Variants in QTMAN observed in about 807,000 individuals in gnomAD.
QTMAN encodes tRNA-queuosine alpha-mannosyltransferase.
the QTMAN span, among the ~76,000 whole-genome samples, chr2:144,102,352 C>G: frequency 6.6e-6 from 1 of 152,148 alleles, no homozygotes; most frequent in Non-Finnish European, 1.5e-5. Context: ...TAAATAGATA[C>G]AGTGTATATG....
At chr2:143,965,335 G>C in the QTMAN span, among the ~76,000 whole-genome samples, 1 of 152,170 alleles carries the variant, frequency 6.6e-6, no homozygotes, top group Non-Finnish European at 1.5e-5. Flanking sequence ...AAGTCCATGA[G>C]TCCTATAATA....
the QTMAN span, among the ~76,000 whole-genome samples, chr2:144,087,325 C>T: frequency 6.6e-6 from 1 of 152,060 alleles, no homozygotes; most frequent in Non-Finnish European, 1.5e-5. Context: ...TAAAAACATT[C>T]CCACAAATAA....
the QTMAN span, among the ~76,000 whole-genome samples, chr2:144,184,820 ATACC>A: frequency 6.6e-6 from 1 of 152,282 alleles, no homozygotes; most frequent in African/African-American, 2.4e-5. Context: ...ATAACTCCAT[ATACC>A]TATATAGTTA....
the QTMAN span, among the ~76,000 whole-genome samples, chr2:143,973,681 C>CGTTT: frequency 2.0e-5 from 3 of 151,320 alleles, no homozygotes; most frequent in Admixed American, 1.3e-4. Context: ...CCCAGCTACA[C>CGTTT]GGGAGGCTGA....
At chr2:144,153,311 T>C in the QTMAN span, among the ~76,000 whole-genome samples, 6 of 152,284 alleles carry the variant, frequency 3.9e-5, no homozygotes, top group Admixed American at 2.6e-4. Context: ...AAGATGGTTG[T>C]AAAGTGAGAA....
At chr2:144,013,972 G>C in the QTMAN span, among the ~76,000 whole-genome samples, 1 of 152,034 alleles carries the variant, frequency 6.6e-6, no homozygotes, top group South Asian at 2.1e-4. Context: ...TAAAAATTTT[G>C]ATATGGCATT....
chr2:144,178,186 G>C, the QTMAN span: 257 of 152,226 alleles, frequency 1.7e-3, 4 homozygotes, highest in African/African-American at 5.9e-3. Context: ...AGAAGCCTAG[G>C]GTTCAAGTTT....
chr2:144,182,115 A>G, the QTMAN span, among the ~76,000 whole-genome samples: 1 of 152,164 alleles, frequency 6.6e-6, no homozygotes, highest in Admixed American at 6.5e-5. Context: ...ATAAAAGAGA[A>G]TAAAAAAAAA....
chr2:144,092,470 T>G, the QTMAN span, among the ~76,000 whole-genome samples: 1 of 152,154 alleles, frequency 6.6e-6, no homozygotes, highest in Non-Finnish European at 1.5e-5. Context: ...CCACCACGCC[T>G]GGCCAAAACT....
chr2:144,295,838 A>G, the QTMAN span, among the ~76,000 whole-genome samples: 3 of 152,020 alleles, frequency 2.0e-5, no homozygotes, highest in African/African-American at 7.3e-5. Context: ...GGTCTCAAAC[A>G]ATCCTCCCAC....
the QTMAN span, among the ~76,000 whole-genome samples, chr2:144,288,268 T>TTATC: frequency 6.6e-6 from 1 of 152,100 alleles, no homozygotes; most frequent in African/African-American, 2.4e-5. Context: ...AGTTTATCTG[T>TTATC]TATCCCCCCT....
At chr2:144,124,555 G>C in the QTMAN span, among the ~76,000 whole-genome samples, 12 of 152,032 alleles carry the variant, frequency 7.9e-5, no homozygotes, top group Non-Finnish European at 1.2e-4. Flanking sequence ...AGTCTGAATG[G>C]GAAAGAACTG....
At chr2:144,121,272 G>A in the QTMAN span, among the ~76,000 whole-genome samples, 1 of 152,180 alleles carries the variant, frequency 6.6e-6, no homozygotes, top group African/African-American at 2.4e-5. Flanking sequence ...ACAGTATGCA[G>A]TTTATATAGC....
At chr2:144,115,341 T>A in the QTMAN span, among the ~76,000 whole-genome samples, 1 of 152,212 alleles carries the variant, frequency 6.6e-6, no homozygotes. Flanking sequence ...TTAAGCAAGG[T>A]TTTGTACAGC....
the QTMAN span, among the ~76,000 whole-genome samples, chr2:144,319,193 C>G: frequency 6.6e-6 from 1 of 152,028 alleles, no homozygotes; most frequent in Admixed American, 6.6e-5. Flanking sequence ...ATTGAAGAGT[C>G]CACTGAAAAG....
At chr2:144,032,248 C>T in the QTMAN span, among the ~76,000 whole-genome samples, 144 of 152,288 alleles carry the variant, frequency 9.5e-4, no homozygotes, top group Middle Eastern at 3.4e-3. Flanking sequence ...CCCCAAGCCT[C>T]AGTTTCCTCA....
At chr2:144,110,150 A>G in the QTMAN span, among the ~76,000 whole-genome samples, 2 of 152,258 alleles carry the variant, frequency 1.3e-5, no homozygotes, top group African/African-American at 4.8e-5. Flanking sequence ...CCAGATGTCC[A>G]ACAATGATAG....
the QTMAN span, among the ~76,000 whole-genome samples, chr2:144,131,735 C>T: frequency 6.6e-6 from 1 of 151,912 alleles, no homozygotes; most frequent in Non-Finnish European, 1.5e-5. Flanking sequence ...CATTCCCTAA[C>T]AGCAAGAAAT....
chr2:144,116,996 A>G, the QTMAN span, among the ~76,000 whole-genome samples: 1 of 152,060 alleles, frequency 6.6e-6, no homozygotes, highest in Admixed American at 6.5e-5. Context: ...TCAAGATCTC[A>G]TGTGAAGCAG....
Sources: allele counts gnomAD v4.1 joint callset (sites outside exome capture counted in the v4.1 genomes callset), GRCh38; gene constraint gnomAD v4.1.1; transcripts MANE v1.5; gene names NCBI Gene and HGNC (gene_info 2026-07-23, HGNC 2026-07-21).